Variants in SNX10 observed in about 807,000 individuals in gnomAD.
The protein encoded by SNX10 is sorting nexin-10.
SNX10 carries 25 observed loss-of-function variants against 28.5 expected under a neutral mutation model. The ratio of observed to expected loss-of-function variants is 0.88; its 90% CI spans 0.64 to 1.22. SNX10 has a LOEUF of 1.22. SNX10 is among the 50% of genes most tolerant of loss of function. The pLI is 0.00. For missense variants in SNX10, 223 were observed against 242.6 expected (o/e 0.92, Z 0.54); for synonymous variants, 62 against 81.4 (o/e 0.76, Z 1.28).
At position 26,364,092 on chromosome 7, in the gene SNX10, G is replaced by A. The variant is rs1789195248; in HGVS notation, c.112-443G>A. Among the ~76,000 whole-genome samples the A allele has an allele frequency of 6.6e-6, 1 of 152,174 alleles. No individual in the cohort carries two copies. Among genetic ancestry groups the A allele is most frequent in the Non-Finnish European group, 1.5e-5 (1 of 68,030 alleles). On this transcript the variant is annotated intron_variant, in intron 3 of 6. Transcript: ENST00000338523. The surrounding 1 kb of genome is among the most constrained non-coding windows in gnomAD (Gnocchi z 4.9). ...AGGGTGGCCATGTCAAGGAGATGAA[G>A]ATTTCTGCAATGTCTCATAAAGGGT...
At chr7:26,345,509 C>A (rs1349231889) in intron 1 of SNX10, among the ~76,000 whole-genome samples, 1 of 152,194 alleles carries the variant, frequency 6.6e-6, no homozygotes, top group East Asian at 1.9e-4. Flanking sequence ...TTCCAGAGGC[C>A]CTGTGGGGTC....
intron 1 of SNX10, among the ~76,000 whole-genome samples, chr7:26,300,919 T>C (rs1388617025): frequency 1.4e-5 from 2 of 144,956 alleles, no homozygotes; most frequent in African/African-American, 5.1e-5. Context: ...CTCGGGAGGC[T>C]GCGATGGGAG....
intron 1 of SNX10, among the ~76,000 whole-genome samples, chr7:26,312,118 G>C (rs968996752): frequency 6.6e-6 from 1 of 152,130 alleles, no homozygotes; most frequent in Non-Finnish European, 1.5e-5. Context: ...ATGGCCCATA[G>C]CACATTATGG....
chr7:26,329,893 A>G (rs1196447045), intron 1 of SNX10, among the ~76,000 whole-genome samples: 1 of 152,120 alleles, frequency 6.6e-6, no homozygotes, highest in Non-Finnish European at 1.5e-5. Flanking sequence ...GCAGTGGGAC[A>G]GGGAGCTGAG....
chr7:26,305,233 C>T (rs1786538209), intron 1 of SNX10, among the ~76,000 whole-genome samples: 1 of 152,176 alleles, frequency 6.6e-6, no homozygotes, highest in Admixed American at 6.5e-5. Context: ...CCGTGAGCTC[C>T]AGTCTTCTTC....
chr7:26,350,356 G>A (rs997302884), intron 2 of SNX10, among the ~76,000 whole-genome samples: 2 of 152,130 alleles, frequency 1.3e-5, no homozygotes, highest in Non-Finnish European at 2.9e-5. Flanking sequence ...GGGGCACTAT[G>A]GGGAGAGCCG....
intron 2 of SNX10, among the ~76,000 whole-genome samples, chr7:26,351,129 T>G (rs1201188832): frequency 6.6e-6 from 1 of 152,234 alleles, no homozygotes; most frequent in African/African-American, 2.4e-5. Flanking sequence ...TATCTCACTC[T>G]TCCAGCTCAG....
intron 1 of SNX10, among the ~76,000 whole-genome samples, chr7:26,306,782 AGTCT>A (rs1786611489): frequency 6.6e-6 from 1 of 152,174 alleles, no homozygotes; most frequent in Non-Finnish European, 1.5e-5. Context: ...GTCCTGGGAA[AGTCT>A]GAGAATGAAC....
At chr7:26,352,684 A>C (rs555436331) in intron 2 of SNX10, among the ~76,000 whole-genome samples, 40 of 152,170 alleles carry the variant, frequency 2.6e-4, no homozygotes, top group Non-Finnish European at 2.8e-4. Flanking sequence ...CCACATAATC[A>C]CATGTTAAAT....
chr7:26,371,628 C>T (rs1789541485), intron 5 of SNX10, among the ~76,000 whole-genome samples, 193 bp from the exon 6 acceptor site: 1 of 152,086 alleles, frequency 6.6e-6, no homozygotes, highest in Non-Finnish European at 1.5e-5. Context: ...TTTTACCCAC[C>T]TAAATTTCCA....
intron 1 of SNX10, among the ~76,000 whole-genome samples, chr7:26,305,851 A>G (rs899259100): frequency 2.0e-5 from 3 of 152,164 alleles, no homozygotes; most frequent in African/African-American, 7.2e-5. Context: ...GTAAGAGTTT[A>G]AGAATAATAA....
At chr7:26,325,177 A>C (rs994427732) in intron 1 of SNX10, among the ~76,000 whole-genome samples, 9 of 151,328 alleles carry the variant, frequency 5.9e-5, no homozygotes, top group Non-Finnish European at 1.3e-4. Flanking sequence ...TAGTACGTTC[A>C]AAATGTCCTA....
chr7:26,310,195 G>A (rs907160679), intron 1 of SNX10, among the ~76,000 whole-genome samples: 1 of 152,160 alleles, frequency 6.6e-6, no homozygotes, highest in Admixed American at 6.6e-5. Context: ...AGAGGCGGGC[G>A]ACTGTCAACC....
At chr7:26,314,608 T>C (rs1161557096) in intron 1 of SNX10, among the ~76,000 whole-genome samples, 1 of 152,220 alleles carries the variant, frequency 6.6e-6, no homozygotes, top group African/African-American at 2.4e-5. Flanking sequence ...TTCCGTAGTA[T>C]ATGCAGTTCC....
chr7:26,339,530 C>CTTTTT (rs142702810), intron 1 of SNX10, among the ~76,000 whole-genome samples: 7,469 of 94,600 alleles, frequency 0.079, 508 homozygotes, highest in South Asian at 0.13. Flanking sequence ...TGAGCTTGAT[C>CTTTTT]TTTTTTTTTT....
Position 26,364,153 on chromosome 7 carries a change from C to T in SNX10, c.112-382C>T, listed in dbSNP as rs996217657. ...TGTCTCTAAGCCCCAAAGTTTCCTC[C>T]AGCTTACGTGGATGGTGGTAAAATG... On this transcript the variant is annotated intron_variant, in intron 3 of 6. Coordinates refer to ENST00000338523, the MANE Select transcript of SNX10 (RefSeq NM_013322.3). This position sits in a 1 kb window ranked among gnomAD's most constrained non-coding sequence, Gnocchi z 4.9. 3.9e-5 allele frequency among the ~76,000 whole-genome samples: 6 copies of T among 152,168 alleles called. No individual in the cohort carries two copies. The highest frequency in any genetic ancestry group is 7.3e-5 in the Non-Finnish European group (5 of 68,038).
intron 2 of SNX10, among the ~76,000 whole-genome samples, chr7:26,352,717 A>T (rs2698721): frequency 6.6e-6 from 1 of 152,030 alleles, no homozygotes; most frequent in Admixed American, 6.5e-5. Context: ...CCTTCATATC[A>T]TCAAATATTC....
chr7:26,342,111 G>A (rs1398294367), intron 1 of SNX10, among the ~76,000 whole-genome samples: 4 of 145,666 alleles, frequency 2.7e-5, no homozygotes, highest in Non-Finnish European at 6.0e-5. Flanking sequence ...ACTGCAACCT[G>A]CACCTCCCAA....
chr7:26,293,549 T>C (rs563009277), intron 1 of SNX10, among the ~76,000 whole-genome samples: 31 of 152,320 alleles, frequency 2.0e-4, no homozygotes, highest in Admixed American at 5.9e-4. Flanking sequence ...TGAGATTGAC[T>C]GATAGGGCAG....
Sources: allele counts gnomAD v4.1 joint callset (sites outside exome capture counted in the v4.1 genomes callset), GRCh38; gene constraint gnomAD v4.1.1; non-coding constraint Gnocchi (gnomAD v3.1); transcripts MANE v1.5; gene names NCBI Gene and HGNC (gene_info 2026-07-23, HGNC 2026-07-21).